Variants in TBL1X observed in about 807,000 individuals in gnomAD.
The protein encoded by TBL1X is transducin beta like 1 X-linked.
Under a neutral mutation model 50.7 loss-of-function variants are expected in TBL1X, and 10 were observed. That is an observed-to-expected ratio of 0.20 (90% CI 0.12 to 0.33). The LOEUF is 0.33. Ranked by LOEUF, TBL1X falls within the 10% of genes least tolerant of loss-of-function variation. TBL1X has a pLI of 1.00. For missense variants in TBL1X, 340 were observed against 504.4 expected (o/e 0.67, Z 3.12); for synonymous variants, 190 against 214.7 (o/e 0.88, Z 1.01).
At chrX:9,549,738 T>C (rs746285320) in intron 2 of TBL1X, among the ~76,000 whole-genome samples, 5 of 111,833 alleles carry the variant, frequency 4.5e-5, no homozygotes, top group Non-Finnish European at 9.4e-5. Flanking sequence ...GGAGTTTCGT[T>C]ATACAGAAAG....
intron 2 of TBL1X, among the ~76,000 whole-genome samples, chrX:9,618,231 C>G (rs1394390519): frequency 3.6e-5 from 4 of 111,286 alleles, no homozygotes; most frequent in Non-Finnish European, 7.5e-5. Flanking sequence ...TGCATGATAC[C>G]CTGGAGCCCA....
chrX:9,499,458 G>A (rs1194164450), intron 1 of TBL1X, among the ~76,000 whole-genome samples: 5 of 112,083 alleles, frequency 4.5e-5, no homozygotes, highest in Admixed American at 1.9e-4. Context: ...GGGATAGGTC[G>A]GAAGAGAAAG....
intron 15 of TBL1X, among the ~76,000 whole-genome samples, chrX:9,710,320 C>T (rs2083238581): frequency 9.1e-6 from 1 of 109,986 alleles, no homozygotes; most frequent in African/African-American, 3.3e-5. Flanking sequence ...CTCCTGTTGA[C>T]GGTGCTCGAA....
intron 2 of TBL1X, among the ~76,000 whole-genome samples, chrX:9,533,437 G>A (rs2082172341): frequency 8.9e-6 from 1 of 111,886 alleles, no homozygotes; most frequent in African/African-American, 3.2e-5. Flanking sequence ...TAATGCTGCA[G>A]TTCAAAGAAG....
intron 7 of TBL1X, 89 bp downstream of exon 7, chrX:9,688,364 G>A: frequency 3.6e-6 from 3 of 828,548 alleles, no homozygotes; most frequent in South Asian, 5.7e-5. Flanking sequence ...TTAAAAACCT[G>A]CCTGCTATAA....
At chrX:9,579,941 A>G (rs993238092) in intron 2 of TBL1X, among the ~76,000 whole-genome samples, 9 of 111,636 alleles carry the variant, frequency 8.1e-5, no homozygotes, top group African/African-American at 2.6e-4. Context: ...GACAGGAGTT[A>G]AAATCATGGG....
intron 2 of TBL1X, among the ~76,000 whole-genome samples, chrX:9,589,011 C>A (rs1224915230): frequency 1.8e-5 from 2 of 111,301 alleles, no homozygotes; most frequent in Non-Finnish European, 3.8e-5. Context: ...CTAATCCCTG[C>A]CCTGACATTT....
intron 12 of TBL1X, among the ~76,000 whole-genome samples, chrX:9,699,371 G>T (rs2083155203): frequency 8.9e-6 from 1 of 112,125 alleles, no homozygotes; most frequent in Non-Finnish European, 1.9e-5. Context: ...TCTTTAGACT[G>T]GCTTAAAGTG....
intron 2 of TBL1X, among the ~76,000 whole-genome samples, chrX:9,565,031 G>C (rs1441579763): frequency 9.1e-6 from 1 of 110,476 alleles, no homozygotes; most frequent in African/African-American, 3.3e-5. Flanking sequence ...AGCACTTTGG[G>C]AGGCCGAGGC....
chrX:9,546,337 AC>A (rs1002413397), intron 2 of TBL1X, among the ~76,000 whole-genome samples: 1 of 111,333 alleles, frequency 9.0e-6, no homozygotes, highest in African/African-American at 3.3e-5. Flanking sequence ...ACACAGTGAA[AC>A]CCCATTTCTA....
At chrX:9,691,553 T>G (rs1435307933) in intron 7 of TBL1X, 26 bp from the exon 8 acceptor site, 5 of 1,204,851 alleles carry the variant, frequency 4.1e-6, no homozygotes, top group East Asian at 3.0e-5. Context: ...GGTAAGCCAC[T>G]TGTCTCTTTG....
intron 5 of TBL1X, among the ~76,000 whole-genome samples, chrX:9,667,521 C>A (rs2082937734): frequency 8.9e-6 from 1 of 111,799 alleles, no homozygotes; most frequent in Middle Eastern, 4.6e-3. Flanking sequence ...AAAATTTTAC[C>A]TGATGGTCAA....
chrX:9,549,552 C>T (rs2082260877), intron 2 of TBL1X, among the ~76,000 whole-genome samples: 1 of 111,243 alleles, frequency 9.0e-6, no homozygotes, highest in Admixed American at 9.5e-5. Flanking sequence ...ACTCTCTGGC[C>T]CTTTCCGGAA....
chrX:9,693,847 G>A (rs1044827864), intron 11 of TBL1X, among the ~76,000 whole-genome samples: 13 of 111,235 alleles, frequency 1.2e-4, no homozygotes, highest in African/African-American at 4.3e-4. Flanking sequence ...ACCGTAGACC[G>A]CAGATTTCTC....
At chrX:9,700,233 G>C (rs918847027) in intron 12 of TBL1X, among the ~76,000 whole-genome samples, 3 of 109,617 alleles carry the variant, frequency 2.7e-5, no homozygotes, top group Non-Finnish European at 5.9e-5. Flanking sequence ...CACAGCCCTA[G>C]ACACGCAGAC....
At chrX:9,498,011 C>T (rs1469740259) in intron 1 of TBL1X, among the ~76,000 whole-genome samples, 1 of 108,247 alleles carries the variant, frequency 9.2e-6, no homozygotes, top group Non-Finnish European at 1.9e-5. Context: ...GGATTACAAG[C>T]ATGCATGAGC....
intron 2 of TBL1X, among the ~76,000 whole-genome samples, chrX:9,534,396 T>C (rs1347090090): frequency 2.7e-5 from 3 of 111,535 alleles, no homozygotes; most frequent in Admixed American, 9.5e-5. Flanking sequence ...TTATGTGCTT[T>C]CTGTGTACAT....
In TBL1X at chrX:9,542,292, G is replaced by A. The variant is rs151133018; in HGVS notation, c.-131+40443G>A. 4.5e-5 allele frequency among the ~76,000 whole-genome samples: 5 copies of A among 111,384 alleles called. No individual in the cohort carries two copies. In the East Asian group the frequency reaches 1.4e-3, roughly 31 times the overall value. On this transcript the variant is annotated intron_variant, in intron 2 of 17. Transcript: ENST00000645353. ...AGGCCGCCCCTATCATGCTGTGCTT[G>A]TCTGGCCCCACTCACCCTGTCCTGA...
intron 2 of TBL1X, among the ~76,000 whole-genome samples, chrX:9,589,852 C>A (rs759549414): frequency 9.0e-6 from 1 of 111,670 alleles, no homozygotes; most frequent in Non-Finnish European, 1.9e-5. Context: ...AAAGTAGTGA[C>A]ATGTGGGGAA....
Sources: gnomAD v4.1 joint callset for allele counts (sites outside exome capture counted in the v4.1 genomes callset) on GRCh38, gnomAD v4.1.1 for gene constraint, MANE v1.5 for transcripts, NCBI Gene and HGNC (gene_info 2026-07-23, HGNC 2026-07-21) for gene names.